The following COL4A4 variants were observed in gnomAD, a reference collection of about 807,000 sequenced individuals.
COL4A4 encodes the protein collagen type IV alpha 4 chain, also known as collagen alpha-4(IV) chain.
Under a neutral mutation model 192.9 loss-of-function variants are expected in COL4A4, and 105 were observed. That is an observed-to-expected ratio of 0.54 (90% CI 0.46 to 0.64). COL4A4 has a LOEUF of 0.64. Among genes scored for constraint, COL4A4 ranks in the 30% least tolerant of loss-of-function variants. COL4A4 has a pLI of 0.00. For synonymous variants in COL4A4, 762 were observed against 769.9 expected, an observed-to-expected ratio of 0.99 and a Z score of 0.17; for missense variants, 1,967 against 2,169.3, an observed-to-expected ratio of 0.91 and a Z score of 1.85.
At chr2:227,138,150 A>ATAC (rs2062942985) in intron 4 of COL4A4, among the ~76,000 whole-genome samples, 1 of 151,010 alleles carries the variant, frequency 6.6e-6, no homozygotes. Context: ...AATAATAATA[A>ATAC]TAATAATCAA....
intron 22 of COL4A4, among the ~76,000 whole-genome samples, chr2:227,087,427 C>A (rs1177560400): frequency 2.0e-5 from 3 of 152,316 alleles, no homozygotes; most frequent in Middle Eastern, 3.4e-3. Flanking sequence ...CCAATGCCCA[C>A]TCCTTCCATC....
intron 43 of COL4A4, chr2:227,022,550 A>G: frequency 1.8e-6 from 1 of 541,820 alleles, no homozygotes; most frequent in African/African-American, 1.9e-5. Context: ...GTAGCATTGC[A>G]AGAGGGACTG....
chr2:227,132,512 T>A (rs1882433), intron 4 of COL4A4, among the ~76,000 whole-genome samples: 52,935 of 152,032 alleles, frequency 0.35, 9,775 homozygotes, highest in Non-Finnish European at 0.41. Flanking sequence ...GCAGTGGCTC[T>A]TGCCTGTAAT....
chr2:227,100,173 T>G (rs927366476), intron 17 of COL4A4, among the ~76,000 whole-genome samples: 2 of 127,868 alleles, frequency 1.6e-5, no homozygotes, highest in African/African-American at 6.4e-5. Flanking sequence ...AAGTGCCAGA[T>G]GAGGTCACAA....
chr2:227,063,754 G>C lies in COL4A4; in HGVS notation c.1988-1156C>G, dbSNP rs186032472. On this transcript the variant is annotated intron_variant, in intron 25 of 47. Transcript: ENST00000396625. ...CAATGATAGTTTAAATGAGATACTAGTTTTTAAAAATTAAAATATATAGTA... is the reference window on the plus strand; with the variant it reads ...CAATGATAGTTTAAATGAGATACTACTTTTTAAAAATTAAAATATATAGTA... Among the ~76,000 whole-genome samples, 3 of 151,546 alleles carry C rather than the reference G, an allele frequency of 2.0e-5. No homozygotes were observed. The East Asian group carries it at 5.8e-4, about 29-fold the overall frequency.
intron 3 of COL4A4, among the ~76,000 whole-genome samples, chr2:227,144,099 G>A (rs753073563): frequency 5.3e-5 from 8 of 152,278 alleles, no homozygotes; most frequent in African/African-American, 4.8e-5. Context: ...TCCCAGACAC[G>A]TCTGAGGGTG....
chr2:227,017,618 G>A (rs1339684145), intron 44 of COL4A4, among the ~76,000 whole-genome samples: 4 of 152,182 alleles, frequency 2.6e-5, no homozygotes, highest in Non-Finnish European at 5.9e-5. Flanking sequence ...AGATCAAAGA[G>A]ATCTGTGTGT....
chr2:226,989,806 C>T, the COL4A4 span, among the ~76,000 whole-genome samples: 1 of 152,104 alleles, frequency 6.6e-6, no homozygotes, highest in Admixed American at 6.6e-5. Flanking sequence ...AAAAGTACAA[C>T]AGGTAAAGTG....
intron 19 of COL4A4, among the ~76,000 whole-genome samples, chr2:227,097,111 C>T (rs1255259030): frequency 6.6e-6 from 1 of 152,130 alleles, no homozygotes; most frequent in Non-Finnish European, 1.5e-5. Flanking sequence ...GGACTCAATA[C>T]AATCAGTCAT....
chr2:227,126,307 G>C (rs1051945089), intron 4 of COL4A4, among the ~76,000 whole-genome samples: 2 of 152,192 alleles, frequency 1.3e-5, no homozygotes, highest in African/African-American at 4.8e-5. Flanking sequence ...CCTCATGGAT[G>C]CAAAGAGATA....
At chr2:227,127,722 A>G (rs1312791671) in intron 4 of COL4A4, among the ~76,000 whole-genome samples, 4 of 152,220 alleles carry the variant, frequency 2.6e-5, no homozygotes, top group African/African-American at 4.8e-5. Flanking sequence ...ATCGTTTGTC[A>G]TTTTGTCAGT....
intron 46 of COL4A4, among the ~76,000 whole-genome samples, chr2:227,009,713 G>GAAGA (rs1437790894): frequency 7.2e-6 from 1 of 139,390 alleles, no homozygotes; most frequent in African/African-American, 2.8e-5. Flanking sequence ...AAAAAAAAGA[G>GAAGA]GAAAAGAGAA....
intron 1 of COL4A4, among the ~76,000 whole-genome samples, chr2:227,148,967 G>C (rs1057296147): frequency 5.9e-5 from 9 of 151,396 alleles, no homozygotes; most frequent in African/African-American, 2.2e-4. Context: ...TCAGCCTCCT[G>C]AGTAGTTAGT....
rs2228555 is a variant in COL4A4 at position 227,008,279 on chromosome 2, T to G, written c.4548A>C (p.Val1516=). 6.2e-7 allele frequency: 1 copy of G among 1,613,952 alleles called. No individual in the cohort carries two copies. Among genetic ancestry groups the G allele is most frequent in the South Asian group, 1.1e-5 (1 of 91,076 alleles). Residue 1516 remains valine, a synonymous_variant, in exon 47 of 48, where the codon GTA becomes GTC. Coordinates refer to ENST00000396625, the MANE Select transcript of COL4A4 (RefSeq NM_000092.5). Reference sequence around the variant, plus strand: ...AGTAGGCAAAGGGCAGCGTGCTAAATACGGGAAGGCAAGACCCTGCCAGAC... The same window carrying G: ...AGTAGGCAAAGGGCAGCGTGCTAAAGACGGGAAGGCAAGACCCTGCCAGAC... ...DLGLAGSCLP[V]FSTLPFAYCN... is the part of the protein sequence containing the mutation.
chr2:227,073,477 A>T (rs1046282466), intron 25 of COL4A4, among the ~76,000 whole-genome samples: 6 of 152,118 alleles, frequency 3.9e-5, no homozygotes, highest in African/African-American at 1.4e-4. Context: ...TTCAAAAGTA[A>T]TCTACAGATT....
At chr2:227,055,038 C>T (rs917809395) in intron 30 of COL4A4, among the ~76,000 whole-genome samples, 1 of 152,148 alleles carries the variant, frequency 6.6e-6, no homozygotes, top group East Asian at 1.9e-4. Context: ...GATCCACCCG[C>T]CTCAGCCTCC....
intron 25 of COL4A4, among the ~76,000 whole-genome samples, chr2:227,065,742 G>C (rs1027851805): frequency 6.6e-6 from 1 of 152,200 alleles, no homozygotes; most frequent in African/African-American, 2.4e-5. Flanking sequence ...CATCATCAAA[G>C]ACCAAAAGTA....
intron 44 of COL4A4, among the ~76,000 whole-genome samples, chr2:227,013,980 A>T (rs1306386957): frequency 6.6e-6 from 1 of 152,150 alleles, no homozygotes; most frequent in Non-Finnish European, 1.5e-5. Flanking sequence ...CATGAAAAGG[A>T]TGCATGGAGG....
intron 22 of COL4A4, among the ~76,000 whole-genome samples, chr2:227,085,305 C>A (rs12620324): frequency 6.6e-6 from 1 of 151,908 alleles, no homozygotes; most frequent in African/African-American, 2.4e-5. Context: ...GCAGCCACAG[C>A]AGCAGTGGGA....
Sources: gnomAD v4.1 joint callset for allele counts (sites outside exome capture counted in the v4.1 genomes callset) on GRCh38, gnomAD v4.1.1 for gene constraint, MANE v1.5 for transcripts, NCBI Gene and HGNC (gene_info 2026-07-23, HGNC 2026-07-21) for gene names.